The following TRIM9 variants were observed in gnomAD, a reference collection of about 807,000 sequenced individuals.
The protein encoded by TRIM9 is tripartite motif containing 9, also known as E3 ubiquitin-protein ligase TRIM9.
Under a neutral mutation model 78.3 loss-of-function variants are expected in TRIM9, and 26 were observed. The ratio of observed to expected loss-of-function variants is 0.33; its 90% CI spans 0.24 to 0.46. The LOEUF is 0.46. Among genes scored for constraint, TRIM9 ranks in the 20% least tolerant of loss-of-function variants. The pLI is 1.00. For missense variants in TRIM9, 787 were observed against 1,036.4 expected, an observed-to-expected ratio of 0.76 and a Z score of 3.30; for synonymous variants, 398 against 416.5, an observed-to-expected ratio of 0.96 and a Z score of 0.54.
rs570086464 is a variant in TRIM9, at chr14:50,979,187, A to G, written c.2325+200T>C. 13 of 1,444,842 alleles carry G rather than the reference A, an allele frequency of 9.0e-6. No homozygotes were observed. In the Admixed American group the frequency reaches 3.7e-4, roughly 41 times the overall value. 89.5% of individuals were successfully genotyped at this position (1,444,842 alleles called of 1,614,324 possible). Reference sequence around the variant, plus strand: ...TGTGCTATTAACTAGTCTGCGTCCAAGTATAAAGAAGGTGCTTATGCTTGG... The same window carrying G: ...TGTGCTATTAACTAGTCTGCGTCCAGGTATAAAGAAGGTGCTTATGCTTGG... On this transcript the variant is annotated intron_variant, in intron 12 of 12. Transcript: ENST00000684578.
intron 6 of TRIM9, among the ~76,000 whole-genome samples, chr14:50,999,142 C>T (rs1439915223): frequency 6.6e-6 from 1 of 152,024 alleles, no homozygotes; most frequent in Non-Finnish European, 1.5e-5. Context: ...AACAAGTTCC[C>T]AGGTGAAACC....
chr14:51,073,122 C>T (rs1157523993), intron 1 of TRIM9, among the ~76,000 whole-genome samples: 1 of 152,026 alleles, frequency 6.6e-6, no homozygotes, highest in African/African-American at 2.4e-5. Flanking sequence ...CACTGTGATA[C>T]CACTGTACAC....
At chr14:51,030,323 C>A (rs1032714336) in intron 1 of TRIM9, among the ~76,000 whole-genome samples, 5 of 152,208 alleles carry the variant, frequency 3.3e-5, no homozygotes, top group Non-Finnish European at 7.3e-5. Context: ...CTGCTTGCAC[C>A]TTTAGTGCCT....
intron 1 of TRIM9, among the ~76,000 whole-genome samples, chr14:51,063,388 A>AATT (rs2061495460): frequency 6.6e-6 from 1 of 152,146 alleles, no homozygotes; most frequent in South Asian, 2.1e-4. Context: ...ATTAGAGTAG[A>AATT]ACAAGGAAGG....
intron 1 of TRIM9, among the ~76,000 whole-genome samples, chr14:51,062,100 AAATT>A (rs1258433810): frequency 2.1e-5 from 3 of 139,960 alleles, no homozygotes; most frequent in Non-Finnish European, 3.3e-5. Flanking sequence ...TCCAATAAAT[AAATT>A]ATTTATTTAT....
At chr14:51,039,664 A>T (rs903102587) in intron 1 of TRIM9, among the ~76,000 whole-genome samples, 73 of 152,162 alleles carry the variant, frequency 4.8e-4, no homozygotes, top group African/African-American at 1.7e-3. Flanking sequence ...TCTTGATCTG[A>T]GTGGTGGTTA....
At chr14:51,063,776 T>C (rs1566629023) in intron 1 of TRIM9, among the ~76,000 whole-genome samples, 1 of 152,136 alleles carries the variant, frequency 6.6e-6, no homozygotes, top group Non-Finnish European at 1.5e-5. Context: ...AAGACATTTT[T>C]AGATAAATAG....
At chr14:51,070,377 C>T (rs537921765) in intron 1 of TRIM9, among the ~76,000 whole-genome samples, 1 of 152,276 alleles carries the variant, frequency 6.6e-6, no homozygotes, top group South Asian at 2.1e-4. Flanking sequence ...CAGAGGCTCA[C>T]AGGAACCTAA....
chr14:51,093,740 G>C (rs930431708), intron 1 of TRIM9, among the ~76,000 whole-genome samples: 1 of 152,172 alleles, frequency 6.6e-6, no homozygotes, highest in Non-Finnish European at 1.5e-5. Context: ...CCCTGCCCTC[G>C]AGCGTGCCTA....
intron 1 of TRIM9, among the ~76,000 whole-genome samples, chr14:51,082,937 G>A (rs1212516692): frequency 6.6e-6 from 1 of 152,176 alleles, no homozygotes; most frequent in Non-Finnish European, 1.5e-5. Context: ...GGAAAGCTTG[G>A]TCTTGGCACT....
intron 7 of TRIM9, chr14:50,997,643 A>G: frequency 9.5e-7 from 1 of 1,049,922 alleles, no homozygotes; most frequent in Non-Finnish European, 1.2e-6. Context: ...AGAACAAGCA[A>G]GTACTACAGA....
intron 7 of TRIM9, chr14:50,997,098 G>A (rs2054305503): frequency 1.0e-6 from 1 of 985,386 alleles, no homozygotes; most frequent in Non-Finnish European, 1.2e-6. Context: ...GAATCCCGGT[G>A]AGGTGGGGGG....
chr14:50,982,316 G>C, intron 10 of TRIM9: 1 of 593,408 alleles, frequency 1.7e-6, no homozygotes, highest in Non-Finnish European at 3.0e-6. Flanking sequence ...GATTCAGCAG[G>C]GGTTACCTGG....
intron 11 of TRIM9, among the ~76,000 whole-genome samples, chr14:50,981,420 A>G (rs1466785323): frequency 6.6e-6 from 1 of 152,188 alleles, no homozygotes; most frequent in African/African-American, 2.4e-5. Flanking sequence ...TTATTGTACT[A>G]ATTTGATGGA....
intron 1 of TRIM9, among the ~76,000 whole-genome samples, chr14:51,090,341 A>G (rs1419669458): frequency 1.3e-5 from 2 of 152,240 alleles, no homozygotes; most frequent in African/African-American, 4.8e-5. Context: ...CTACATAAAT[A>G]TTTAATGAGA....
intron 1 of TRIM9, among the ~76,000 whole-genome samples, chr14:51,027,395 C>A (rs758370732): frequency 2.0e-5 from 3 of 152,060 alleles, no homozygotes; most frequent in African/African-American, 4.8e-5. Flanking sequence ...CCACCCACCT[C>A]GACCTCCCAA....
chr14:50,977,289 C>T lies in TRIM9; in HGVS notation c.*2G>A, dbSNP rs1322488503. The T allele has an allele frequency of 6.5e-7, 1 of 1,531,172 alleles. No individual in the cohort carries two copies. Among genetic ancestry groups the T allele is most frequent in the Non-Finnish European group, 8.8e-7 (1 of 1,136,604 alleles). 94.8% of individuals were successfully genotyped at this position (1,531,172 alleles called of 1,614,324 possible). On this transcript the variant is annotated 3_prime_UTR_variant, in exon 13 of 13. Transcript: ENST00000684578. ...GGCAGCTGGCGCCTCCACGGCACAT[C>T]CTTAGGCTATTGATGCTCTGCTGGA...
rs1302876001 is a variant in TRIM9, at chr14:50,975,425, T to C, written c.*1866A>G. The C allele has an allele frequency of 3.3e-5, 5 of 152,670 alleles. No individual in the cohort carries two copies. Among genetic ancestry groups the C allele is most frequent in the African/African-American group, 1.2e-4 (5 of 41,462 alleles). The allele number at this position is 152,670 out of a possible 1,614,324, so 9.5% of individuals were successfully genotyped here. On this transcript the variant is annotated 3_prime_UTR_variant, in exon 13 of 13. Coordinates refer to ENST00000684578, the MANE Select transcript of TRIM9 (RefSeq NM_001387360.1). The stretch of plus-strand genomic sequence containing the variant: ...ATTTAATAAAGAACAAGAGGAACTA[T>C]GAGTCTACCACGGCCCAGCCATTGA...
intron 5 of TRIM9, 81 bp downstream of exon 5, chr14:51,008,999 C>A: frequency 7.0e-7 from 1 of 1,427,066 alleles, no homozygotes; most frequent in Non-Finnish European, 9.7e-7. Flanking sequence ...GTTACATTAG[C>A]CAAAGGGGTA....
Sources: allele counts gnomAD v4.1 joint callset (sites outside exome capture counted in the v4.1 genomes callset), GRCh38; gene constraint gnomAD v4.1.1; transcripts MANE v1.5; gene names NCBI Gene and HGNC (gene_info 2026-07-23, HGNC 2026-07-21).